Variants in NRG3 observed in about 807,000 individuals in gnomAD.
The protein encoded by NRG3 is neuregulin 3.
In NRG3, 31 loss-of-function variants were observed where a neutral mutation model predicts 66.9. The observed-to-expected ratio is 0.46, with a 90% confidence interval of 0.35 to 0.63. The LOEUF is 0.63. Among genes scored for constraint, NRG3 ranks in the 20% least tolerant of loss-of-function variants. The pLI is 0.00. For synonymous variants in NRG3, 393 were observed against 359.4 expected, an observed-to-expected ratio of 1.09 and a Z score of -1.06; for missense variants, 910 against 878.9, an observed-to-expected ratio of 1.04 and a Z score of -0.45.
intron 1 of NRG3, among the ~76,000 whole-genome samples, chr10:82,038,154 A>G (rs2062875334): frequency 1.3e-5 from 2 of 152,154 alleles, no homozygotes; most frequent in Admixed American, 1.3e-4. Context: ...TTATAAACTG[A>G]AAGCACACCC....
At chr10:82,894,821 T>C (rs903338311) in intron 4 of NRG3, among the ~76,000 whole-genome samples, 8 of 152,170 alleles carry the variant, frequency 5.3e-5, no homozygotes, top group African/African-American at 1.9e-4. Flanking sequence ...GGTGGTTTGC[T>C]GCACCCATCA....
intron 2 of NRG3, among the ~76,000 whole-genome samples, chr10:82,646,796 G>T (rs748664485): frequency 9.9e-5 from 15 of 152,062 alleles, no homozygotes; most frequent in African/African-American, 1.4e-4. Context: ...GGCCGTCAGG[G>T]TTTGCTAACT....
At chr10:82,528,792 C>T (rs637531) in intron 2 of NRG3, among the ~76,000 whole-genome samples, 66,898 of 151,886 alleles carry the variant, frequency 0.44, 18,437 homozygotes, top group African/African-American at 0.78. Flanking sequence ...AAAAGTATTG[C>T]CAGTTGCAGA....
chr10:82,936,634 A>G (rs1242150928), intron 4 of NRG3, among the ~76,000 whole-genome samples: 2 of 152,326 alleles, frequency 1.3e-5, no homozygotes, highest in African/African-American at 2.4e-5. Flanking sequence ...AATGATAACC[A>G]TGTGAGGTAA....
chr10:82,439,398 T>C (rs1043318637), intron 2 of NRG3, among the ~76,000 whole-genome samples: 1 of 152,100 alleles, frequency 6.6e-6, no homozygotes. Context: ...CCTTCAACTA[T>C]TTTATTAAAT....
intron 1 of NRG3, among the ~76,000 whole-genome samples, chr10:82,309,357 G>T (rs1414951295): frequency 6.6e-6 from 1 of 151,928 alleles, no homozygotes; most frequent in Non-Finnish European, 1.5e-5. Context: ...AATTTGAAAG[G>T]AAAATATTTG....
intron 6 of NRG3, among the ~76,000 whole-genome samples, chr10:82,965,860 C>T (rs1268467281): frequency 6.6e-6 from 1 of 152,056 alleles, no homozygotes; most frequent in Non-Finnish European, 1.5e-5. Flanking sequence ...GTGGAGTATG[C>T]ATCTTGAGGG....
At chr10:82,428,151 T>C (rs750792988) in intron 2 of NRG3, among the ~76,000 whole-genome samples, 9 of 151,918 alleles carry the variant, frequency 5.9e-5, no homozygotes, top group Non-Finnish European at 1.3e-4. Context: ...AGCTAAAGTT[T>C]TGTTTTGTTG....
chr10:82,528,444 T>G (rs1212223833), intron 2 of NRG3, among the ~76,000 whole-genome samples: 1 of 152,198 alleles, frequency 6.6e-6, no homozygotes, highest in Non-Finnish European at 1.5e-5. Flanking sequence ...TAGCAGAAGC[T>G]GCATTAATTC....
chr10:82,439,634 T>G (rs1296756489), intron 2 of NRG3, among the ~76,000 whole-genome samples: 1 of 152,066 alleles, frequency 6.6e-6, no homozygotes, highest in African/African-American at 2.4e-5. Context: ...TTACATTAGT[T>G]AAATCATTAA....
chr10:82,663,066 A>G (rs545437337), intron 2 of NRG3, among the ~76,000 whole-genome samples: 37 of 152,222 alleles, frequency 2.4e-4, no homozygotes, highest in Non-Finnish European at 4.7e-4. Context: ...ATAAAAAACC[A>G]TGTTCTCTTA....
At chr10:82,029,432 A>G (rs1360958410) in intron 1 of NRG3, among the ~76,000 whole-genome samples, 1 of 152,118 alleles carries the variant, frequency 6.6e-6, no homozygotes, top group Non-Finnish European at 1.5e-5. Flanking sequence ...GATACCTGTT[A>G]TATTAATGGT....
chr10:82,454,193 G>A (rs2091165117), intron 2 of NRG3, among the ~76,000 whole-genome samples: 1 of 152,130 alleles, frequency 6.6e-6, no homozygotes, highest in African/African-American at 2.4e-5. Context: ...CAGTGCTAGT[G>A]GAGCCACAAC....
At chr10:82,440,209 G>T (rs6584728) in intron 2 of NRG3, among the ~76,000 whole-genome samples, 65,090 of 151,300 alleles carry the variant, frequency 0.43, 17,873 homozygotes, top group African/African-American at 0.78. Context: ...CTCTAGATTT[G>T]TATTATTTTC....
chr10:82,524,322 G>C (rs1846476792), intron 2 of NRG3, among the ~76,000 whole-genome samples: 1 of 151,836 alleles, frequency 6.6e-6, no homozygotes, highest in Non-Finnish European at 1.5e-5. Context: ...CTACTTAAAG[G>C]GTAATTTATG....
At chr10:82,597,855 T>C (rs377121722) in intron 2 of NRG3, among the ~76,000 whole-genome samples, 8 of 148,770 alleles carry the variant, frequency 5.4e-5, no homozygotes, top group African/African-American at 2.0e-4. Flanking sequence ...AGGGAGTCGG[T>C]GGTTGCAGTG....
chr10:82,968,409 C>T (rs570574656), intron 6 of NRG3, among the ~76,000 whole-genome samples: 8 of 152,054 alleles, frequency 5.3e-5, no homozygotes, highest in Non-Finnish European at 8.8e-5. Flanking sequence ...TATTAATGGA[C>T]CAAAATAATA....
chr10:82,640,498 A>G (rs1351885623), intron 2 of NRG3, among the ~76,000 whole-genome samples: 4 of 152,192 alleles, frequency 2.6e-5, no homozygotes, highest in African/African-American at 9.6e-5. Context: ...ATCATCAGGT[A>G]GTACCTGTTT....
At chr10:81,914,769 CAA>C (rs58460918) in intron 1 of NRG3, among the ~76,000 whole-genome samples, 15 of 67,186 alleles carry the variant, frequency 2.2e-4, no homozygotes, top group South Asian at 5.9e-4. Flanking sequence ...AAACAGAAAG[CAA>C]AAAAAAAAAA....
Sources: allele counts gnomAD v4.1 joint callset (sites outside exome capture counted in the v4.1 genomes callset), GRCh38; gene constraint gnomAD v4.1.1; transcripts MANE v1.5; gene names NCBI Gene and HGNC (gene_info 2026-07-23, HGNC 2026-07-21).